Variants in TSC1 observed in about 807,000 individuals in gnomAD.
TSC1 encodes hamartin.
In TSC1, 20 loss-of-function variants were observed where a neutral mutation model predicts 124.3. The ratio of observed to expected loss-of-function variants is 0.16; its 90% CI spans 0.11 to 0.23. The LOEUF (loss-of-function observed/expected upper bound fraction) is 0.23. Ranked by LOEUF, TSC1 falls within the 10% of genes least tolerant of loss-of-function variation. The pLI is 1.00. For missense variants in TSC1, 1,124 were observed against 1,448.5 expected, an observed-to-expected ratio of 0.78 and a Z score of 3.64; for synonymous variants, 493 against 539.1, an observed-to-expected ratio of 0.91 and a Z score of 1.19.
At chr9:132,905,406 C>T (rs1845595587) in intron 15 of TSC1, among the ~76,000 whole-genome samples, 175 bp downstream of exon 15, 1 of 152,146 alleles carries the variant, frequency 6.6e-6, no homozygotes, top group African/African-American at 2.4e-5. Context: ...ACAGAGGTCA[C>T]ACATGGTCAC....
chr9:132,896,746 C>G lies in TSC1; in HGVS notation c.2984G>C (p.Cys995Ser). The change falls in exon 23 of 23, where the codon TGT (cysteine) becomes TCT (serine). Residue 995 changes from cysteine (C) to serine (S), a missense_variant. Transcript: ENST00000298552. The surrounding 1 kb of genome is among the most constrained non-coding windows in gnomAD (Gnocchi z 4.5). ...GGAATCTGAGCACCCGTCATTACAA[C>G]AGTCAAGCCTGTAAGAAAGCCGGGG... ...AAEAAEERLD[C>S]CNDGCSDSMV... The G allele has an allele frequency of 6.2e-7, 1 of 1,613,646 alleles. No homozygotes were observed. Among genetic ancestry groups the G allele is most frequent in the Non-Finnish European group, 8.5e-7 (1 of 1,180,034 alleles).
At position 132,896,038 on chromosome 9, in the gene TSC1, G is replaced by A. The variant is rs1163952495; in HGVS notation, c.*197C>T. 3 of 725,396 alleles carry A rather than the reference G, an allele frequency of 4.1e-6. No homozygotes were observed. Among genetic ancestry groups the A allele is most frequent in the African/African-American group, 1.7e-5 (1 of 57,310 alleles). The allele number at this position is 725,396 out of a possible 1,614,324, so 44.9% of individuals were successfully genotyped here. A position where few individuals can be genotyped will look rare whatever the true frequency, so the allele number is the denominator to read the frequency against. On this transcript the variant is annotated 3_prime_UTR_variant, in exon 23 of 23. Transcript: ENST00000298552. This position sits in a 1 kb window ranked among gnomAD's most constrained non-coding sequence, Gnocchi z 4.5. Reference sequence around the variant, plus strand: ...ATGAGAGGGGGTTAGGGCGGGTGGAGGGGAAGGTCAAGAGGCATTTCAATG... The same window carrying A: ...ATGAGAGGGGGTTAGGGCGGGTGGAAGGGAAGGTCAAGAGGCATTTCAATG...
At chr9:132,898,751 C>T (rs1008384747) in intron 20 of TSC1, among the ~76,000 whole-genome samples, 3 of 152,198 alleles carry the variant, frequency 2.0e-5, no homozygotes, top group Non-Finnish European at 4.4e-5. Flanking sequence ...CCACCTGATT[C>T]CCCACCACTC....
Position 132,906,297 on chromosome 9 carries a change from G to C in TSC1, c.1439-158C>G. 1.2e-6 allele frequency: 1 copy of C among 832,676 alleles called. No individual in the cohort carries two copies. Among genetic ancestry groups the C allele is most frequent in the Non-Finnish European group, 2.0e-6 (1 of 510,162 alleles). The allele number at this position is 832,676 out of a possible 1,614,324, so 51.6% of individuals were successfully genotyped here. A position where few individuals can be genotyped will look rare whatever the true frequency, so the allele number is the denominator to read the frequency against. Reference sequence around the variant, plus strand: ...ACAGTGGCTCACGCCTGTAATGCCAGAACTTTGGGAGGCTGAGGAGGGAGG... The same window carrying C: ...ACAGTGGCTCACGCCTGTAATGCCACAACTTTGGGAGGCTGAGGAGGGAGG... On this transcript the variant is annotated intron_variant, in intron 14 of 22. Transcript: ENST00000298552. The surrounding 1 kb of genome is among the most constrained non-coding windows in gnomAD (Gnocchi z 4.1).
At chr9:132,900,398 G>A in intron 20 of TSC1, 1 of 395,564 alleles carries the variant, frequency 2.5e-6, no homozygotes, top group East Asian at 5.7e-5. Flanking sequence ...AACAGAATTG[G>A]TCCCCCATCC....
chr9:132,914,146 T>C (rs1012858699), intron 8 of TSC1, among the ~76,000 whole-genome samples: 3 of 151,914 alleles, frequency 2.0e-5, no homozygotes, highest in Non-Finnish European at 4.4e-5. Context: ...GTGATCCACC[T>C]GCCTTAGCCT....
intron 2 of TSC1, among the ~76,000 whole-genome samples, chr9:132,930,356 A>C (rs1231228502): frequency 4.6e-5 from 7 of 152,144 alleles, no homozygotes; most frequent in Non-Finnish European, 8.8e-5. Context: ...TGGGAGGCCG[A>C]GGCAGGCAGA....
At position 132,915,411 on chromosome 9, in the gene TSC1, G is replaced by A. The variant is rs78136408; in HGVS notation, c.738-2954C>T. ...CACAAAGCTATTCAGAGACACACCC[G>A]CAAATATATCTGACTGTAGTAAGTA... is the stretch of plus-strand genomic sequence containing the variant. On this transcript the variant is annotated intron_variant, in intron 8 of 22. Coordinates refer to ENST00000298552, the MANE Select transcript of TSC1 (RefSeq NM_000368.5). Among the ~76,000 whole-genome samples the A allele has an allele frequency of 8.8e-3, 1,335 of 152,208 alleles. 8 individuals are homozygous for A. Among genetic ancestry groups the A allele is most frequent in the Non-Finnish European group, 0.013 (886 of 68,012 alleles).
At chr9:132,900,490 T>G in intron 20 of TSC1, 1 of 587,154 alleles carries the variant, frequency 1.7e-6, no homozygotes, top group African/African-American at 1.8e-5. Context: ...CCAACTACCA[T>G]TAGGTGCTTT....
At chr9:132,928,054 ATG>A (rs980991795) in intron 3 of TSC1, among the ~76,000 whole-genome samples, 99 of 152,246 alleles carry the variant, frequency 6.5e-4, no homozygotes, top group African/African-American at 2.3e-3. Context: ...CAGTTTGTGC[ATG>A]TGTGTGTTTT....
At chr9:132,943,616 T>C (rs557657617) in intron 1 of TSC1, 1 of 152,330 alleles carries the variant, frequency 6.6e-6, no homozygotes, top group African/African-American at 2.4e-5. Context: ...GTTTCTTCAT[T>C]TGAGAAGATT....
chr9:132,927,169 A>G (rs377294094), intron 4 of TSC1, 32 bp downstream of exon 4: 10 of 1,604,004 alleles, frequency 6.2e-6, no homozygotes, highest in African/African-American at 1.3e-5. Flanking sequence ...CATGAAGAAC[A>G]TATGAAATGC....
intron 8 of TSC1, among the ~76,000 whole-genome samples, chr9:132,913,598 G>A (rs895583397): frequency 2.6e-5 from 4 of 151,892 alleles, no homozygotes; most frequent in African/African-American, 4.8e-5. Context: ...AGGCTGAGGC[G>A]GACGGATCAC....
chr9:132,927,302 G>C lies in TSC1; in HGVS notation c.109C>G (p.Arg37Gly), dbSNP rs1309560054. The C allele has an allele frequency of 6.2e-7, 1 of 1,613,340 alleles. No individual in the cohort carries two copies. The highest frequency in any genetic ancestry group is 8.5e-7 in the Non-Finnish European group (1 of 1,179,656). The change falls in exon 4 of 23, where the codon CGT (arginine) becomes GGT (glycine). Residue 37 changes from arginine to glycine, a missense_variant and splice_region_variant. Around this residue, in one of 5 missense-constraint regions of TSC1, gnomAD observed 463 missense variants for 606.8 expected, o/e 0.76. Coordinates refer to ENST00000298552, the MANE Select transcript of TSC1 (RefSeq NM_000368.5). ...AVFKENLNSD[R>G]GPMLVNTLVD... is the part of the protein sequence containing the mutation. ...AAGGTGTTTACAAGCATAGGGCCAC[G>C]GTCTAAATCAAGAAAAGGGCAATGG...
chr9:132,911,842 TGAC>T (rs2131988030), intron 9 of TSC1, among the ~76,000 whole-genome samples: 1 of 152,244 alleles, frequency 6.6e-6, no homozygotes, highest in African/African-American at 2.4e-5. Context: ...ACAATACAGA[TGAC>T]AACTTCAGTG....
At chr9:132,945,344 A>G (rs4962225), upstream of TSC1, 1 of 152,118 alleles carries the variant, frequency 6.6e-6, no homozygotes, top group South Asian at 2.1e-4. Context: ...AACCAGCCCT[A>G]ATAGGAGACA....
At chr9:132,898,530 C>A (rs1413210273) in intron 20 of TSC1, among the ~76,000 whole-genome samples, 2 of 152,192 alleles carry the variant, frequency 1.3e-5, no homozygotes, top group South Asian at 4.1e-4. Flanking sequence ...TGTTATAGAA[C>A]GCAACTGATT....
chr9:132,902,490 C>T lies in TSC1; in HGVS notation c.2391+115G>A. ...TCTGCCATGATTTCAGAGAGAAAAG[C>T]ATTCAGCTTAGTAAAGCTGAACAAG... On this transcript the variant is annotated intron_variant, in intron 18 of 22. Transcript: ENST00000298552. The surrounding 1 kb of genome is among the most constrained non-coding windows in gnomAD (Gnocchi z 5.2). 7.8e-7 allele frequency: 1 copy of T among 1,277,588 alleles called. No individual in the cohort carries two copies. Among genetic ancestry groups the T allele is most frequent in the South Asian group, 1.2e-5 (1 of 83,346 alleles). 79.1% of individuals were successfully genotyped at this position (1,277,588 alleles called of 1,614,324 possible).
Position 132,912,355 on chromosome 9 carries a change from T to G in TSC1, c.840A>C (p.Gln280His), listed in dbSNP as rs1171852730. 2 of 1,614,162 alleles carry G rather than the reference T, an allele frequency of 1.2e-6. No individual in the cohort carries two copies. Among genetic ancestry groups the G allele is most frequent in the Non-Finnish European group, 1.7e-6 (2 of 1,180,030 alleles). Residue 280 changes from glutamine to histidine, a missense_variant, in exon 9 of 23, where the codon CAA becomes CAC. By Grantham distance (24) the Gln-to-His change is conservative (BLOSUM62 0). Transcript: ENST00000298552. Reference protein sequence around the residue: ...SYEDGYSVSHQISARFPHRSA... With the variant: ...SYEDGYSVSHHISARFPHRSA... ...AACGATGAGGAAAGCGGGCTGAGAT[T>G]TGGTGAGACACAGAATAGCCATCTT...
Sources: allele counts gnomAD v4.1 joint callset (sites outside exome capture counted in the v4.1 genomes callset), GRCh38; gene constraint gnomAD v4.1.1; regional missense constraint gnomAD v4.1.1; non-coding constraint Gnocchi (gnomAD v3.1); transcripts MANE v1.5; gene names NCBI Gene and HGNC (gene_info 2026-07-23, HGNC 2026-07-21).